The following SLC7A9 variants were observed in gnomAD, a reference collection of about 807,000 sequenced individuals.
SLC7A9 encodes the protein solute carrier family 7 member 9.
Under a neutral mutation model 54.1 loss-of-function variants are expected in SLC7A9, and 38 were observed. That is an observed-to-expected ratio of 0.70 (90% CI 0.54 to 0.92). The LOEUF is 0.92. Ranked by LOEUF, SLC7A9 falls within the 40% of genes least tolerant of loss-of-function variation. The pLI is 0.00. For synonymous variants in SLC7A9, 264 were observed against 258.9 expected (o/e 1.02, Z -0.19); for missense variants, 537 against 636.1 (o/e 0.84, Z 1.68).
intron 3 of SLC7A9, 79 bp downstream of exon 3, chr19:32,864,550 G>A (rs1968906421): frequency 6.3e-7 from 1 of 1,581,878 alleles, no homozygotes; most frequent in African/African-American, 1.3e-5. Flanking sequence ...CTGGCAGGGT[G>A]AGGGCTGGCA....
At chr19:32,850,782 G>A (rs1387240019) in intron 9 of SLC7A9, among the ~76,000 whole-genome samples, 1 of 152,126 alleles carries the variant, frequency 6.6e-6, no homozygotes, top group Non-Finnish European at 1.5e-5. Flanking sequence ...TATACTACAA[G>A]GCTACAGTAA....
chr19:32,860,238 T>C (rs1401863308), intron 7 of SLC7A9: 1 of 1,414,034 alleles, frequency 7.1e-7, no homozygotes, highest in Non-Finnish European at 9.2e-7. Flanking sequence ...AACCAAACTC[T>C]AAGCGTGCAT....
At chr19:32,846,193 C>T (rs924538941) in intron 9 of SLC7A9, among the ~76,000 whole-genome samples, 14 of 152,146 alleles carry the variant, frequency 9.2e-5, no homozygotes, top group Admixed American at 1.3e-4. Context: ...TGCAGCACAC[C>T]GTGCATGAGC....
rs568094207 is a variant in SLC7A9, at chr19:32,837,177, C to CT, written c.1225-3855dup. Among the ~76,000 whole-genome samples the CT allele has an allele frequency of 2.7e-3, 411 of 152,182 alleles. 3 individuals carry two copies. The highest frequency in any genetic ancestry group is 9.5e-3 in the African/African-American group (395 of 41,534). ...GGAAGAACCCCCCAGGCCTGTGTCCCTTCTTTTAAATTCACCATAGGAAAC... is the reference window on the plus strand; with the variant it reads ...GGAAGAACCCCCCAGGCCTGTGTCCCTTTCTTTTAAATTCACCATAGGAAAC... On this transcript the variant is annotated intron_variant, in intron 11 of 12. Coordinates refer to ENST00000023064, the MANE Select transcript of SLC7A9 (RefSeq NM_014270.5).
intron 9 of SLC7A9, among the ~76,000 whole-genome samples, chr19:32,847,466 C>G (rs571319333): frequency 7.0e-6 from 1 of 143,098 alleles, no homozygotes; most frequent in South Asian, 2.1e-4. Flanking sequence ...TGAAATGAAG[C>G]GAGAAGGGAA....
At chr19:32,837,490 CTCAAAAAAAAAAAAAAAAAAAAAAAA>C (rs11283944) in intron 11 of SLC7A9, among the ~76,000 whole-genome samples, 34,566 of 100,334 alleles carry the variant, frequency 0.34, 4,364 homozygotes, top group African/African-American at 0.47. Flanking sequence ...GAGATTCCAT[CTCAAAAAAAAAAAAAAAAAAAAAAAA>C]AAGAAACCTC....
chr19:32,863,230 G>GTC (rs1010078301), intron 4 of SLC7A9: 1 of 152,566 alleles, frequency 6.6e-6, no homozygotes, highest in African/African-American at 2.4e-5. Context: ...TCCTGCCTCA[G>GTC]TCTCCCCAGT....
chr19:32,845,547 A>G (rs1176826420), intron 9 of SLC7A9, among the ~76,000 whole-genome samples: 3 of 152,212 alleles, frequency 2.0e-5, no homozygotes, highest in African/African-American at 7.2e-5. Flanking sequence ...CTTGAAACAT[A>G]GCAGACAAAA....
At chr19:32,836,425 C>T (rs569025491) in intron 11 of SLC7A9, among the ~76,000 whole-genome samples, 67 of 152,250 alleles carry the variant, frequency 4.4e-4, no homozygotes, top group African/African-American at 1.6e-3. Context: ...TTTCTTTTAT[C>T]AATTTCCTGT....
rs147868474 is a variant in SLC7A9 at position 32,840,258 on chromosome 19, G to A, written c.1224+1910C>T. On this transcript the variant is annotated intron_variant, in intron 11 of 12. Transcript: ENST00000023064. ...CACGATCTTGGCTCACTGCAGCCTTGACCTCCTGGGCTCAAGCATTCCTCC... is the reference window on the plus strand; with the variant it reads ...CACGATCTTGGCTCACTGCAGCCTTAACCTCCTGGGCTCAAGCATTCCTCC... Among the ~76,000 whole-genome samples the A allele has an allele frequency of 2.1e-4, 32 of 152,042 alleles. No individual in the cohort carries two copies. In the East Asian group the frequency reaches 4.5e-3, roughly 21 times the overall value.
At chr19:32,844,075 G>T (rs949716390) in intron 9 of SLC7A9, 124 bp from the exon 10 acceptor site, 1 of 733,148 alleles carries the variant, frequency 1.4e-6, no homozygotes, top group Non-Finnish European at 2.5e-6. Flanking sequence ...GAGCTGAGCA[G>T]GGACCTGAGC....
Position 32,834,689 on chromosome 19 carries a change from A to G in SLC7A9, c.1225-1366T>C, listed in dbSNP as rs370702052. Among the ~76,000 whole-genome samples the G allele has an allele frequency of 5.1e-4, 78 of 152,284 alleles. 3 individuals are homozygous for G. In the South Asian group the frequency reaches 0.015, roughly 29 times the overall value. ...TCATTATCCTTTTTCAAGGACAGAG[A>G]TTAATTTTGGTATTCTCTTATTAGG... On this transcript the variant is annotated intron_variant, in intron 11 of 12. Coordinates refer to ENST00000023064, the MANE Select transcript of SLC7A9 (RefSeq NM_014270.5).
intron 5 of SLC7A9, 24 bp downstream of exon 5, chr19:32,862,437 A>T (rs11084671): frequency 6.2e-7 from 1 of 1,611,898 alleles, no homozygotes; most frequent in Non-Finnish European, 8.5e-7. Flanking sequence ...GTGCCCGTGC[A>T]GGGCCCACCC....
chr19:32,864,028 G>A (rs1968884351), intron 4 of SLC7A9, 68 bp downstream of exon 4: 3 of 1,608,492 alleles, frequency 1.9e-6, no homozygotes, highest in Non-Finnish European at 1.7e-6. Flanking sequence ...GAGGAGCTGA[G>A]GGCGGAGTCC....
intron 11 of SLC7A9, among the ~76,000 whole-genome samples, chr19:32,835,385 A>T (rs538879742): frequency 2.2e-4 from 33 of 152,360 alleles, no homozygotes; most frequent in Non-Finnish European, 3.4e-4. Context: ...AATAAAAAAT[A>T]AAAATGGGCA....
Position 32,862,204 on chromosome 19 carries a change from A to G in SLC7A9, c.618T>C (p.Asn206=). ...LVLLAQGNTK[N]FDNSFEGAQL... is the part of the protein sequence containing the mutation. ...GGGCGCCCTCGAAAGAATTATCAAA[A>G]TTCTTTGTGTTTCCTGTAATGAAGC... Residue 206 remains asparagine, a synonymous_variant, in exon 6 of 13, where the codon AAT becomes AAC. Transcript: ENST00000023064. The G allele has an allele frequency of 6.2e-7, 1 of 1,613,836 alleles. No homozygotes were observed. The highest frequency in any genetic ancestry group is 8.5e-7 in the Non-Finnish European group (1 of 1,179,756).
chr19:32,848,050 A>G (rs536751966), intron 9 of SLC7A9, among the ~76,000 whole-genome samples: 1 of 151,990 alleles, frequency 6.6e-6, no homozygotes, highest in East Asian at 1.9e-4. Flanking sequence ...TAAACATGGA[A>G]AGGAACAACC....
chr19:32,837,054 TA>T (rs142034546), intron 11 of SLC7A9, among the ~76,000 whole-genome samples: 15,835 of 152,264 alleles, frequency 0.1, 1,028 homozygotes, highest in Middle Eastern at 0.16. Flanking sequence ...CATATAATGA[TA>T]AGTCTGGTCT....
Position 32,862,168 on chromosome 19 carries a change from C to T in SLC7A9, c.654G>A (p.Val218=). The change falls in exon 6 of 13, where the codon GTG becomes GTA. Residue 218 remains valine (V), a synonymous_variant. Transcript: ENST00000023064. The part of the protein sequence containing the change: ...DNSFEGAQLS[V]GAISLAFYNG... ...TGTAAAACGCCAGGCTGATGGCTCC[C>T]ACAGACAGCTGGGCGCCCTCGAAAG... 2 of 1,613,862 alleles carry T rather than the reference C, an allele frequency of 1.2e-6. No homozygotes were observed. The highest frequency in any genetic ancestry group is 1.7e-6 in the Non-Finnish European group (2 of 1,179,824).
Sources: gnomAD v4.1 joint callset for allele counts (sites outside exome capture counted in the v4.1 genomes callset) on GRCh38, gnomAD v4.1.1 for gene constraint, MANE v1.5 for transcripts, NCBI Gene and HGNC (gene_info 2026-07-23, HGNC 2026-07-21) for gene names.